Variants in PRIM2 observed in about 807,000 individuals in gnomAD.
The protein encoded by PRIM2 is DNA primase subunit 2.
Under a neutral mutation model 67.3 loss-of-function variants are expected in PRIM2, and 39 were observed. That is an observed-to-expected ratio of 0.58 (90% CI 0.45 to 0.76). The LOEUF (loss-of-function observed/expected upper bound fraction) is 0.76, where lower values mean the gene tolerates loss of function less well. PRIM2 is among the 30% of genes least tolerant of loss of function. PRIM2 has a pLI of 0.00. For missense variants in PRIM2, 398 were observed against 598.7 expected (o/e 0.66, Z 3.50); for synonymous variants, 143 against 198.7 (o/e 0.72, Z 2.36).
upstream of PRIM2, among the ~76,000 whole-genome samples, chr6:57,313,308 TTA>T (rs1767422367): frequency 6.6e-6 from 1 of 152,202 alleles, no homozygotes; most frequent in Admixed American, 6.5e-5. Context: ...ACATAATTAT[TTA>T]TGTCTTTAAC....
intron 5 of PRIM2, among the ~76,000 whole-genome samples, chr6:57,353,404 AACTT>A (rs1193052910): frequency 2.0e-5 from 3 of 152,182 alleles, no homozygotes; most frequent in African/African-American, 7.2e-5. Flanking sequence ...TAGAAAGGAT[AACTT>A]ACTTTTAAAA....
Position 57,495,731 on chromosome 6 carries a change from A to G in PRIM2, c.694-11656A>G, listed in dbSNP as rs1554346327. On this transcript the variant is annotated intron_variant, in intron 7 of 13. Coordinates refer to ENST00000615550, the MANE Select transcript of PRIM2 (RefSeq NM_000947.5). ...CCACCTCCTACACTCCACTCCCCAT[A>G]ACCTTGATGTTTCGTTTTGTTTTTG... Among the ~76,000 whole-genome samples, 11 of 152,194 alleles carry G rather than the reference A, an allele frequency of 7.2e-5. No individual in the cohort carries two copies. The East Asian group carries it at 2.1e-3, about 29-fold the overall frequency.
chr6:57,577,523 G>C (rs1382975118), intron 10 of PRIM2, among the ~76,000 whole-genome samples: 1 of 151,256 alleles, frequency 6.6e-6, no homozygotes, highest in Admixed American at 6.6e-5. Context: ...TCCACCTCTG[G>C]GTTCAAGCGA....
At chr6:57,513,801 G>T (rs1774420597) in intron 8 of PRIM2, among the ~76,000 whole-genome samples, 1 of 152,184 alleles carries the variant, frequency 6.6e-6, no homozygotes, top group Non-Finnish European at 1.5e-5. Flanking sequence ...TTGAACCTAG[G>T]AGGCAGAGGT....
At chr6:57,554,520 C>T (rs1203196636) in intron 10 of PRIM2, among the ~76,000 whole-genome samples, 2 of 151,844 alleles carry the variant, frequency 1.3e-5, no homozygotes, top group Admixed American at 6.6e-5. Context: ...ACAGAAGGCC[C>T]AGCCCTGTGT....
chr6:57,486,446 C>T lies in PRIM2; in HGVS notation c.694-20941C>T, dbSNP rs1274372734. ...ATTTGTATTTTGGCAGGTTCCCTGC[C>T]ATGACAAAGTAAAGAATGGGCTGGA... On this transcript the variant is annotated intron_variant, in intron 7 of 13. Coordinates refer to ENST00000615550, the MANE Select transcript of PRIM2 (RefSeq NM_000947.5). Among the ~76,000 whole-genome samples the T allele has an allele frequency of 5.1e-4, 77 of 152,316 alleles. 1 individual carries two copies. Among genetic ancestry groups the T allele is most frequent in the Middle Eastern group, 3.4e-3 (1 of 294 alleles).
intron 10 of PRIM2, among the ~76,000 whole-genome samples, chr6:57,569,961 C>T (rs1775830720): frequency 6.6e-6 from 1 of 152,098 alleles, no homozygotes; most frequent in African/African-American, 2.4e-5. Context: ...CCAGGATGGT[C>T]TCGATCTCTT....
At chr6:57,224,897 T>C in the PRIM2 span, among the ~76,000 whole-genome samples, 1 of 152,216 alleles carries the variant, frequency 6.6e-6, no homozygotes, top group African/African-American at 2.4e-5. Context: ...TATTTCTGCC[T>C]AAAAGCAGGA....
At chr6:57,408,592 C>T (rs1350513975) in intron 7 of PRIM2, among the ~76,000 whole-genome samples, 1 of 152,106 alleles carries the variant, frequency 6.6e-6, no homozygotes, top group Admixed American at 6.5e-5. Flanking sequence ...GGCAAACACT[C>T]ATCTGTTTCT....
the PRIM2 span, among the ~76,000 whole-genome samples, chr6:57,225,790 C>T: frequency 4.1e-4 from 62 of 152,204 alleles, no homozygotes; most frequent in African/African-American, 1.4e-3. Context: ...AATTTTACCA[C>T]TTAGAATATA....
chr6:57,642,228 T>C (rs1253821192), intron 13 of PRIM2, among the ~76,000 whole-genome samples: 218 of 151,796 alleles, frequency 1.4e-3, no homozygotes, highest in African/African-American at 5.0e-3. Flanking sequence ...CAGGGCCTGT[T>C]TGGGGGGGTT....
intron 10 of PRIM2, among the ~76,000 whole-genome samples, chr6:57,545,314 T>C (rs1365013367): frequency 1.3e-5 from 2 of 152,088 alleles, no homozygotes; most frequent in Admixed American, 6.5e-5. Flanking sequence ...TTCCATCTAC[T>C]TGGCATAGTT....
chr6:57,339,599 A>G (rs1362318814), intron 5 of PRIM2, among the ~76,000 whole-genome samples: 2 of 152,194 alleles, frequency 1.3e-5, no homozygotes, highest in Non-Finnish European at 2.9e-5. Context: ...AAAACAAGCA[A>G]TGGGGAAAGG....
chr6:57,269,747 G>T, the PRIM2 span, among the ~76,000 whole-genome samples: 1 of 152,012 alleles, frequency 6.6e-6, no homozygotes, highest in African/African-American at 2.4e-5. Context: ...TTTCTTCTAG[G>T]GTTTTTACGG....
intron 10 of PRIM2, among the ~76,000 whole-genome samples, chr6:57,585,413 A>G (rs1341871749): frequency 6.6e-6 from 1 of 152,248 alleles, no homozygotes; most frequent in Admixed American, 6.5e-5. Flanking sequence ...AGTATAGAAC[A>G]GGGTTCAATT....
intron 7 of PRIM2, among the ~76,000 whole-genome samples, chr6:57,488,438 G>A (rs1483094718): frequency 1.2e-4 from 18 of 152,338 alleles, no homozygotes; most frequent in African/African-American, 4.3e-4. Flanking sequence ...ATACACCAGG[G>A]TTTCAAAGCT....
chr6:57,633,969 G>T (rs1403248662), intron 13 of PRIM2, among the ~76,000 whole-genome samples: 2 of 152,188 alleles, frequency 1.3e-5, no homozygotes, highest in African/African-American at 4.8e-5. Context: ...TAAAATTTTT[G>T]AACGCATTAG....
At chr6:57,255,486 G>A in the PRIM2 span, among the ~76,000 whole-genome samples, 1 of 139,860 alleles carries the variant, frequency 7.2e-6, no homozygotes, top group South Asian at 2.5e-4. Flanking sequence ...CAACAGAGCA[G>A]GACTCTATCT....
At chr6:57,318,634 T>A (rs1469555974) in intron 2 of PRIM2, 35 bp downstream of exon 2, 1 of 1,479,536 alleles carries the variant, frequency 6.8e-7, no homozygotes, top group East Asian at 2.5e-5. Context: ...TATATATTCT[T>A]GAGAAGCTCA....
Sources: gnomAD v4.1 joint callset for allele counts (sites outside exome capture counted in the v4.1 genomes callset) on GRCh38, gnomAD v4.1.1 for gene constraint, MANE v1.5 for transcripts, NCBI Gene and HGNC (gene_info 2026-07-23, HGNC 2026-07-21) for gene names.